Variants in ATXN7L1 observed in about 807,000 individuals in gnomAD.
ATXN7L1 encodes the protein ataxin-7-like protein 1.
A neutral mutation model predicts 70.8 loss-of-function variants in ATXN7L1; 15 were observed. The ratio of observed to expected loss-of-function variants is 0.21; its 90% CI spans 0.14 to 0.33. The LOEUF (loss-of-function observed/expected upper bound fraction) is 0.33. Ranked by LOEUF, ATXN7L1 falls within the 10% of genes least tolerant of loss-of-function variation. The pLI is 1.00. For missense variants in ATXN7L1, 975 were observed against 1,097.1 expected (o/e 0.89, Z 1.57); for synonymous variants, 440 against 445.1 (o/e 0.99, Z 0.14).
chr7:105,614,680 G>C lies in ATXN7L1; in HGVS notation c.1654C>G (p.Leu552Val). The C allele has an allele frequency of 1.3e-6, 2 of 1,551,698 alleles. No homozygotes were observed. The highest frequency in any genetic ancestry group is 8.7e-7 in the Non-Finnish European group (1 of 1,147,012). Residue 552 changes from leucine to valine, a missense_variant, in exon 10 of 12, where the codon CTC (leucine) becomes GTC (valine). Leu to Val is a conservative substitution (Grantham distance 32). Around this residue, in one of 5 missense-constraint regions of ATXN7L1, gnomAD observed 635 missense variants for 699.4 expected, o/e 0.91. Transcript: ENST00000419735. This position sits in a 1 kb window ranked among gnomAD's most constrained non-coding sequence, Gnocchi z 4.3. ...GATGTCATTATGTAAGAAGAGGTGA[G>C]CCTCGAGCTGATGGGAGCTGAAGGA... Reference protein sequence around the residue: ...YLPSAPISSRLTSSYIMTSAM... With the variant: ...YLPSAPISSRVTSSYIMTSAM...
intron 3 of ATXN7L1, among the ~76,000 whole-genome samples, chr7:105,677,504 G>GT (rs1210235830): frequency 6.6e-6 from 1 of 152,154 alleles, no homozygotes; most frequent in African/African-American, 2.4e-5. Flanking sequence ...CAGGTGTCCT[G>GT]TTTACTCTTT....
At chr7:105,829,125 A>T (rs1481037482) in intron 2 of ATXN7L1, among the ~76,000 whole-genome samples, 1 of 152,202 alleles carries the variant, frequency 6.6e-6, no homozygotes, top group Non-Finnish European at 1.5e-5. Flanking sequence ...TGAAGTGAAA[A>T]AACAGCCATT....
chr7:105,655,601 C>A (rs1408773199), intron 4 of ATXN7L1, among the ~76,000 whole-genome samples: 3 of 152,156 alleles, frequency 2.0e-5, no homozygotes, highest in Admixed American at 2.0e-4. Context: ...CCTGAGACGA[C>A]TCTCTGTGTC....
chr7:105,714,099 A>G (rs1212348626), intron 3 of ATXN7L1, among the ~76,000 whole-genome samples: 1 of 152,260 alleles, frequency 6.6e-6, no homozygotes, highest in African/African-American at 2.4e-5. Flanking sequence ...AACTCTATAT[A>G]GTAGCTGCTC....
At position 105,607,522 on chromosome 7, in the gene ATXN7L1, T is replaced by C. The variant is rs939316889; in HGVS notation, c.*330A>G. 1.2e-5 allele frequency: 4 copies of C among 338,636 alleles called. No homozygotes were observed. The highest frequency in any genetic ancestry group is 5.4e-5 in the East Asian group (1 of 18,420). The allele number at this position is 338,636 out of a possible 1,614,324, so 21.0% of individuals were successfully genotyped here. A position where few individuals can be genotyped will look rare whatever the true frequency, so the allele number is the denominator to read the frequency against. Reference sequence around the variant, plus strand: ...CAACATTCTGCAATGTCTGCTCTCATGGCTGGAGCAAAAGGATGGTACAGT... The same window carrying C: ...CAACATTCTGCAATGTCTGCTCTCACGGCTGGAGCAAAAGGATGGTACAGT... On this transcript the variant is annotated 3_prime_UTR_variant, in exon 12 of 12. Coordinates refer to ENST00000419735, the MANE Select transcript of ATXN7L1 (RefSeq NM_020725.2).
In ATXN7L1 at chr7:105,770,974, G is replaced by A. The variant is rs544768921; in HGVS notation, c.355+17630C>T. On this transcript the variant is annotated intron_variant, in intron 3 of 11. Transcript: ENST00000419735. ...CCCAGAACTTTGGGAGGCCGAGGCAGGCGGATCACGAGGTCAGGAGTTCAA... is the reference window on the plus strand; with the variant it reads ...CCCAGAACTTTGGGAGGCCGAGGCAAGCGGATCACGAGGTCAGGAGTTCAA... Among the ~76,000 whole-genome samples, 15 of 152,156 alleles carry A rather than the reference G, an allele frequency of 9.9e-5. No individual in the cohort carries two copies. The South Asian group carries it at 2.9e-3, about 30-fold the overall frequency.
intron 3 of ATXN7L1, among the ~76,000 whole-genome samples, chr7:105,752,098 C>T (rs1419884840): frequency 2.0e-5 from 3 of 152,208 alleles, no homozygotes; most frequent in Non-Finnish European, 2.9e-5. Context: ...GTTGTTTTTG[C>T]ATCTGATGTG....
At chr7:105,839,921 A>T (rs1812950999) in intron 2 of ATXN7L1, among the ~76,000 whole-genome samples, 1 of 152,256 alleles carries the variant, frequency 6.6e-6, no homozygotes, top group African/African-American at 2.4e-5. Flanking sequence ...CTATGTAAAC[A>T]GATGAGGACT....
intron 7 of ATXN7L1, among the ~76,000 whole-genome samples, chr7:105,625,937 T>C (rs1454303483): frequency 6.6e-6 from 1 of 152,146 alleles, no homozygotes; most frequent in African/African-American, 2.4e-5. Context: ...GAGAAAAAAA[T>C]TGTTTTTCTG....
chr7:105,747,757 C>T (rs1171152093), intron 3 of ATXN7L1, among the ~76,000 whole-genome samples: 1 of 152,162 alleles, frequency 6.6e-6, no homozygotes, highest in Non-Finnish European at 1.5e-5. Context: ...AGAGGACATC[C>T]AGCTGGTGTC....
intron 2 of ATXN7L1, among the ~76,000 whole-genome samples, chr7:105,793,636 T>C (rs1805563936): frequency 6.6e-6 from 1 of 152,154 alleles, no homozygotes. Flanking sequence ...CAAGAAAACA[T>C]GTGCCCAATG....
intron 2 of ATXN7L1, among the ~76,000 whole-genome samples, chr7:105,860,344 G>A (rs1816437119): frequency 6.6e-6 from 1 of 151,994 alleles, no homozygotes; most frequent in Non-Finnish European, 1.5e-5. Flanking sequence ...GGTGCTCAAA[G>A]ATGTCTGTGA....
At chr7:105,816,225 G>GA (rs1185988502) in intron 2 of ATXN7L1, among the ~76,000 whole-genome samples, 1 of 152,114 alleles carries the variant, frequency 6.6e-6, no homozygotes, top group Non-Finnish European at 1.5e-5. Context: ...GTTAATACCA[G>GA]AAAAAATAAC....
At chr7:105,691,835 G>A (rs1480440284) in intron 3 of ATXN7L1, among the ~76,000 whole-genome samples, 1 of 152,048 alleles carries the variant, frequency 6.6e-6, no homozygotes, top group Non-Finnish European at 1.5e-5. Flanking sequence ...AGCTATCCGC[G>A]CTTGCACACG....
At chr7:105,763,519 G>A (rs2116418595) in intron 3 of ATXN7L1, among the ~76,000 whole-genome samples, 1 of 152,334 alleles carries the variant, frequency 6.6e-6, no homozygotes. Context: ...AATAACTTCA[G>A]CCAGGCCCAC....
At chr7:105,787,665 C>T (rs553579) in intron 3 of ATXN7L1, among the ~76,000 whole-genome samples, 105,847 of 152,018 alleles carry the variant, frequency 0.7, 37,223 homozygotes, top group African/African-American at 0.79. Context: ...AAATTCGGAA[C>T]GTGAGAAAGG....
chr7:105,675,392 G>A (rs1323383343), intron 3 of ATXN7L1, among the ~76,000 whole-genome samples: 1 of 152,174 alleles, frequency 6.6e-6, no homozygotes, highest in African/African-American at 2.4e-5. Context: ...GGAGGCCGAG[G>A]TGGGTGGATC....
chr7:105,810,288 G>A (rs1037222405), intron 2 of ATXN7L1, among the ~76,000 whole-genome samples: 1 of 152,226 alleles, frequency 6.6e-6, no homozygotes, highest in East Asian at 1.9e-4. Flanking sequence ...GAGCCAGGGA[G>A]ACCTGGGCCC....
intron 7 of ATXN7L1, among the ~76,000 whole-genome samples, chr7:105,625,604 T>C (rs894655016): frequency 4.6e-5 from 7 of 152,212 alleles, no homozygotes; most frequent in African/African-American, 1.2e-4. Flanking sequence ...GATTGGCTCA[T>C]AGTAGGTGCT....
Sources: allele counts gnomAD v4.1 joint callset (sites outside exome capture counted in the v4.1 genomes callset), GRCh38; gene constraint gnomAD v4.1.1; regional missense constraint gnomAD v4.1.1; non-coding constraint Gnocchi (gnomAD v3.1); transcripts MANE v1.5; gene names NCBI Gene and HGNC (gene_info 2026-07-23, HGNC 2026-07-21).